The following MME variants were observed in gnomAD, a reference collection of about 807,000 sequenced individuals.
MME encodes neprilysin.
A neutral mutation model predicts 113.2 loss-of-function variants in MME; 98 were observed. The ratio of observed to expected loss-of-function variants is 0.87; its 90% confidence interval spans 0.74 to 1.02. The LOEUF is 1.02. MME is among the 50% of genes least tolerant of loss of function. MME has a pLI of 0.00. For missense variants in MME, 836 were observed against 896.0 expected, an observed-to-expected ratio of 0.93 and a Z score of 0.86; for synonymous variants, 292 against 300.6, an observed-to-expected ratio of 0.97 and a Z score of 0.30.
At chr3:155,031,960 C>T (rs1300540091) in intron 1 of MME, among the ~76,000 whole-genome samples, 5 of 152,152 alleles carry the variant, frequency 3.3e-5, no homozygotes, top group African/African-American at 1.2e-4. Context: ...CACCCGGCCA[C>T]CAGCTTTTGT....
At chr3:155,025,770 G>A (rs376481730) in intron 1 of MME, among the ~76,000 whole-genome samples, 1 of 126,500 alleles carries the variant, frequency 7.9e-6, no homozygotes, top group Admixed American at 9.5e-5. Flanking sequence ...TCGGCTCACT[G>A]CAACCTCTGC....
chr3:155,146,313 C>G (rs1220636655), intron 14 of MME, among the ~76,000 whole-genome samples: 3 of 151,950 alleles, frequency 2.0e-5, no homozygotes, highest in Admixed American at 2.0e-4. Context: ...ATTGCTTGAG[C>G]CCAGGAGTTT....
intron 3 of MME, among the ~76,000 whole-genome samples, chr3:155,092,723 C>T (rs1716397642): frequency 6.6e-6 from 1 of 152,108 alleles, no homozygotes; most frequent in African/African-American, 2.4e-5. Flanking sequence ...ACATCAAAAA[C>T]ATTATGCTGA....
At chr3:155,153,263 G>A (rs1028437931) in intron 16 of MME, among the ~76,000 whole-genome samples, 1 of 152,030 alleles carries the variant, frequency 6.6e-6, no homozygotes, top group African/African-American at 2.4e-5. Flanking sequence ...CTGACCTCAG[G>A]TGATCCACCC....
At chr3:155,096,168 A>C (rs374419645) in intron 3 of MME, among the ~76,000 whole-genome samples, 16 of 152,304 alleles carry the variant, frequency 1.1e-4, no homozygotes, top group South Asian at 4.1e-4. Flanking sequence ...ATGCCATGAT[A>C]AATGGGTTGC....
chr3:155,112,679 G>A (rs1221297006), intron 3 of MME: 1 of 152,306 alleles, frequency 6.6e-6, no homozygotes, highest in Admixed American at 6.5e-5. Flanking sequence ...GAGAGAAAGA[G>A]GGTTTGAGAC....
intron 8 of MME, among the ~76,000 whole-genome samples, chr3:155,133,075 A>ATATATATATATATATATATATG (rs1720295604): frequency 7.2e-6 from 1 of 138,036 alleles, no homozygotes; most frequent in Admixed American, 7.3e-5. Flanking sequence ...ATATATATAT[A>ATATATATATATATATATATATG]TATATGTATA....
intron 8 of MME, among the ~76,000 whole-genome samples, chr3:155,133,695 A>C (rs904655145): frequency 7.0e-5 from 10 of 142,142 alleles, no homozygotes; most frequent in Non-Finnish European, 7.6e-5. Context: ...TATACCATAC[A>C]TATATAGTGT....
At chr3:155,042,315 A>G (rs1457193664) in intron 1 of MME, among the ~76,000 whole-genome samples, 8 of 152,162 alleles carry the variant, frequency 5.3e-5, no homozygotes, top group Non-Finnish European at 1.0e-4. Flanking sequence ...TTTTTATTTT[A>G]AGTGATATGG....
chr3:155,119,443 T>C (rs1412885825), intron 8 of MME, among the ~76,000 whole-genome samples: 1 of 148,980 alleles, frequency 6.7e-6, no homozygotes, highest in Non-Finnish European at 1.5e-5. Context: ...ATACTTTAAG[T>C]TTTAGGGTAC....
At position 155,065,335 on chromosome 3, in the gene MME, A is replaced by G. The variant is rs1714352475; in HGVS notation, c.-10-18823A>G. ...AAGACTTAAGAAAAGGGAATATTCTATTTATCTCTATGTCTTAAGGACCTA... is the reference window on the plus strand; with the variant it reads ...AAGACTTAAGAAAAGGGAATATTCTGTTTATCTCTATGTCTTAAGGACCTA... On this transcript the variant is annotated intron_variant, in intron 1 of 22. Coordinates refer to the MME transcript ENST00000492661. Among the ~76,000 whole-genome samples, 3 of 152,258 alleles carry G rather than the reference A, an allele frequency of 2.0e-5. No individual in the cohort carries two copies. The South Asian group carries it at 6.2e-4, about 32-fold the overall frequency.
intron 3 of MME, among the ~76,000 whole-genome samples, chr3:155,103,324 C>A (rs915051102): frequency 6.6e-6 from 1 of 152,182 alleles, no homozygotes; most frequent in Non-Finnish European, 1.5e-5. Context: ...TGTAAGCATA[C>A]CTAATACACA....
intron 4 of MME, 70 bp downstream of exon 4, chr3:155,115,225 G>T: frequency 6.4e-7 from 1 of 1,557,576 alleles, no homozygotes. Flanking sequence ...ATATACAATT[G>T]TTAGCCATTA....
intron 1 of MME, among the ~76,000 whole-genome samples, chr3:155,074,517 C>T (rs372989401): frequency 2.6e-5 from 4 of 151,840 alleles, no homozygotes; most frequent in African/African-American, 4.8e-5. Flanking sequence ...CTGCAATCTC[C>T]GCTTCCCACA....
At chr3:155,101,166 G>A (rs1449797233) in intron 3 of MME, among the ~76,000 whole-genome samples, 4 of 152,216 alleles carry the variant, frequency 2.6e-5, no homozygotes, top group South Asian at 4.2e-4. Flanking sequence ...AGCTCCCTGA[G>A]GCCTCCCAAA....
chr3:155,172,665 C>A (rs1712114148), intron 22 of MME, 53 bp downstream of exon 22: 2 of 1,301,752 alleles, frequency 1.5e-6, no homozygotes, highest in Non-Finnish European at 2.2e-6. Flanking sequence ...TCCATTGCTT[C>A]CACATTTGGA....
At chr3:155,117,535 T>G (rs1718720522) in intron 7 of MME, among the ~76,000 whole-genome samples, 1 of 152,006 alleles carries the variant, frequency 6.6e-6, no homozygotes. Context: ...AAGACTAGAT[T>G]AATGACTATG....
chr3:155,157,878 G>A (rs1294801910), intron 16 of MME, among the ~76,000 whole-genome samples: 1 of 152,052 alleles, frequency 6.6e-6, no homozygotes, highest in Non-Finnish European at 1.5e-5. Flanking sequence ...TTTTCTTTAA[G>A]GTATAATTCA....
At chr3:155,134,610 T>A (rs900579506) in intron 8 of MME, among the ~76,000 whole-genome samples, 4 of 152,186 alleles carry the variant, frequency 2.6e-5, no homozygotes, top group Non-Finnish European at 5.9e-5. Context: ...AATGAGTGCA[T>A]AAGTCTTTGG....
Sources: gnomAD v4.1 joint callset for allele counts (sites outside exome capture counted in the v4.1 genomes callset) on GRCh38, gnomAD v4.1.1 for gene constraint, MANE v1.5 for transcripts, NCBI Gene and HGNC (gene_info 2026-07-23, HGNC 2026-07-21) for gene names.